Variants in RECK observed in about 807,000 individuals in gnomAD.
RECK encodes the protein reversion-inducing cysteine-rich protein with Kazal motifs.
RECK carries 69 observed loss-of-function variants against 115.1 expected under a neutral mutation model. The observed-to-expected ratio is 0.60, with a 90% CI of 0.49 to 0.73. The LOEUF (loss-of-function observed/expected upper bound fraction) is 0.73, where lower values mean the gene tolerates loss of function less well. Among genes scored for constraint, RECK ranks in the 30% least tolerant of loss-of-function variants. The pLI is 0.00. For missense variants in RECK, 1,047 were observed against 1,203.7 expected, an observed-to-expected ratio of 0.87 and a Z score of 1.93; for synonymous variants, 414 against 419.7, an observed-to-expected ratio of 0.99 and a Z score of 0.17.
intron 1 of RECK, among the ~76,000 whole-genome samples, chr9:36,047,418 A>G (rs904849122): frequency 2.6e-5 from 4 of 152,066 alleles, no homozygotes; most frequent in Non-Finnish European, 5.9e-5. Flanking sequence ...AGACCAGCCT[A>G]GACAATATGG....
chr9:36,046,776 T>G (rs1821085776), intron 1 of RECK, among the ~76,000 whole-genome samples: 1 of 152,224 alleles, frequency 6.6e-6, no homozygotes, highest in Non-Finnish European at 1.5e-5. Flanking sequence ...CTTTTTCTTC[T>G]TGTTTTCCAA....
intron 2 of RECK, among the ~76,000 whole-genome samples, chr9:36,054,831 T>C (rs1406455971): frequency 6.6e-6 from 1 of 152,222 alleles, no homozygotes; most frequent in Non-Finnish European, 1.5e-5. Flanking sequence ...TTGCCTATGT[T>C]GTATTCATGT....
At chr9:36,066,796 CCTTCT>C (rs1472265545) in intron 6 of RECK, 3 of 1,288,536 alleles carry the variant, frequency 2.3e-6, no homozygotes, top group Non-Finnish European at 3.0e-6. Flanking sequence ...TAGTGTGCTT[CCTTCT>C]CTTGTCTGGA....
intron 20 of RECK, among the ~76,000 whole-genome samples, chr9:36,122,116 G>A (rs182559773): frequency 6.6e-6 from 1 of 152,300 alleles, no homozygotes; most frequent in African/African-American, 2.4e-5. Flanking sequence ...CACTGTGGAG[G>A]AAGATCCCAT....
intron 1 of RECK, among the ~76,000 whole-genome samples, chr9:36,040,864 G>GT (rs1330045080): frequency 2.6e-5 from 4 of 152,058 alleles, no homozygotes; most frequent in African/African-American, 9.7e-5. Flanking sequence ...ATTTACTGAA[G>GT]TAGGGAAGAT....
chr9:36,095,256 G>A (rs1192702930), intron 10 of RECK, among the ~76,000 whole-genome samples: 2 of 152,100 alleles, frequency 1.3e-5, no homozygotes, highest in Admixed American at 6.5e-5. Context: ...TAGATGAAAT[G>A]GATGCATTCC....
chr9:36,058,579 C>T (rs1278099631), intron 2 of RECK, among the ~76,000 whole-genome samples: 1 of 146,342 alleles, frequency 6.8e-6, no homozygotes, highest in Non-Finnish European at 1.5e-5. Context: ...GTGCAGCGCA[C>T]CAGCATGGCA....
chr9:36,093,805 T>G (rs1823247360), intron 10 of RECK, among the ~76,000 whole-genome samples: 1 of 151,994 alleles, frequency 6.6e-6, no homozygotes, highest in African/African-American at 2.4e-5. Flanking sequence ...CACATTATAG[T>G]CAAACTGTTG....
intron 10 of RECK, among the ~76,000 whole-genome samples, chr9:36,093,762 A>G (rs947568671): frequency 1.7e-4 from 26 of 152,210 alleles, no homozygotes; most frequent in African/African-American, 5.8e-4. Flanking sequence ...AGTAAACGCT[A>G]AGTCAGATAA....
intron 1 of RECK, among the ~76,000 whole-genome samples, chr9:36,051,749 C>G (rs572013973): frequency 6.6e-6 from 1 of 152,114 alleles, no homozygotes; most frequent in Non-Finnish European, 1.5e-5. Context: ...CTCCTTTATG[C>G]TGATGAGTTC....
At chr9:36,121,381 T>A in intron 19 of RECK, 152 bp from the exon 20 acceptor site, 1 of 634,292 alleles carries the variant, frequency 1.6e-6, no homozygotes, top group Non-Finnish European at 2.7e-6. Flanking sequence ...GACTGGAGAT[T>A]CAGAATTTGG....
At chr9:36,048,779 C>A (rs1369566296) in intron 1 of RECK, among the ~76,000 whole-genome samples, 7 of 152,158 alleles carry the variant, frequency 4.6e-5, no homozygotes, top group Admixed American at 3.3e-4. Context: ...GGAACCACCT[C>A]ATTTCTCTAT....
chr9:36,068,287 G>C (rs1822090750), intron 6 of RECK, among the ~76,000 whole-genome samples: 1 of 152,126 alleles, frequency 6.6e-6, no homozygotes. Flanking sequence ...GAATAAATCA[G>C]AGATTCAAAG....
intron 6 of RECK, among the ~76,000 whole-genome samples, chr9:36,075,111 T>G (rs1284753671): frequency 6.6e-6 from 1 of 152,232 alleles, no homozygotes; most frequent in African/African-American, 2.4e-5. Context: ...AACATGCAAG[T>G]GTAGTTCGGG....
At chr9:36,046,824 T>A (rs564822008) in intron 1 of RECK, among the ~76,000 whole-genome samples, 2 of 152,334 alleles carry the variant, frequency 1.3e-5, no homozygotes, top group East Asian at 3.9e-4. Flanking sequence ...AGAATTATTT[T>A]AAAAATTTAA....
Position 36,037,055 on chromosome 9 carries a change from G to C in RECK, c.57G>C (p.Ala19=), listed in dbSNP as rs559955662. ...CGCTGCTCCTTCTGCTGGCCGTGGC[G>C]GGGGTCGCGGAGGTGGCAGGGGGCC... ...RGALLLLLAV[A]GVAEVAGGLA... Residue 19 remains alanine, a synonymous_variant, in exon 1 of 21, where the codon GCG becomes GCC. Coordinates refer to ENST00000377966, the MANE Select transcript of RECK (RefSeq NM_021111.3). 3.6e-5 allele frequency: 51 copies of C among 1,397,874 alleles called. No individual in the cohort carries two copies. The highest frequency in any genetic ancestry group is 4.6e-5 in the Non-Finnish European group (49 of 1,070,626). The allele number at this position is 1,397,874 out of a possible 1,614,324, so 86.6% of individuals were successfully genotyped here.
chr9:36,056,962 C>T, intron 2 of RECK: 2 of 985,142 alleles, frequency 2.0e-6, no homozygotes, highest in Non-Finnish European at 2.4e-6. Context: ...GAGATAAATC[C>T]TTTTTCACTG....
chr9:36,073,225 C>CACAG (rs1460194919), intron 6 of RECK, among the ~76,000 whole-genome samples: 3 of 104,676 alleles, frequency 2.9e-5, no homozygotes, highest in Admixed American at 2.8e-4. Flanking sequence ...CACACAGACA[C>CACAG]ACACAGACAC....
chr9:36,075,767 C>A (rs1822423657), intron 6 of RECK, among the ~76,000 whole-genome samples: 1 of 152,016 alleles, frequency 6.6e-6, no homozygotes, highest in African/African-American at 2.4e-5. Context: ...ACAAAGTAGC[C>A]CCTTTACTTT....
Sources: allele counts gnomAD v4.1 joint callset (sites outside exome capture counted in the v4.1 genomes callset), GRCh38; gene constraint gnomAD v4.1.1; transcripts MANE v1.5; gene names NCBI Gene and HGNC (gene_info 2026-07-23, HGNC 2026-07-21).